PHEX: variants seen among roughly 807,000 people sequenced by gnomAD.
PHEX encodes phosphate-regulating neutral endopeptidase PHEX.
A neutral mutation model predicts 68.0 loss-of-function variants in PHEX; 16 were observed. That is an observed-to-expected ratio of 0.24 (90% confidence interval 0.16 to 0.36). PHEX has a LOEUF of 0.36. Ranked by LOEUF, PHEX falls within the 10% of genes least tolerant of loss-of-function variation. The pLI, the probability that PHEX is intolerant of heterozygous loss-of-function variation, is 1.00. For synonymous variants in PHEX, 208 were observed against 205.1 expected, an observed-to-expected ratio of 1.01 and a Z score of -0.12; for missense variants, 480 against 575.5, an observed-to-expected ratio of 0.83 and a Z score of 1.70.
intron 16 of PHEX, among the ~76,000 whole-genome samples, chrX:22,216,747 CGACCCCAGGTAATCCACCCGCCTCG>C: frequency 9.1e-6 from 1 of 109,834 alleles, no homozygotes; most frequent in East Asian, 2.9e-4. Flanking sequence ...CTCGAACTCC[CGACCCCAGGTAATCCACCCGCCTCG>C]GCCTCCCAAA....
At chrX:22,226,656 T>C (rs890602536) in intron 19 of PHEX, 148 bp downstream of exon 19, 3 of 537,177 alleles carry the variant, frequency 5.6e-6, no homozygotes, top group South Asian at 2.7e-5. Flanking sequence ...TGTCTCCCCA[T>C]TGACCCTATT....
At chrX:22,226,058 C>G (rs73201155) in intron 18 of PHEX, among the ~76,000 whole-genome samples, 3 of 111,833 alleles carry the variant, frequency 2.7e-5, no homozygotes, top group Non-Finnish European at 5.6e-5. Flanking sequence ...AACACAGGCA[C>G]AATGAGAAGA....
At chrX:22,192,772 A>C (rs1224817880) in intron 15 of PHEX, among the ~76,000 whole-genome samples, 1 of 111,943 alleles carries the variant, frequency 8.9e-6, no homozygotes, top group East Asian at 2.8e-4. Context: ...CCAGTTGGCC[A>C]GTCTGCCGTG....
At chrX:22,138,792 G>C (rs907163553) in intron 12 of PHEX, among the ~76,000 whole-genome samples, 38 of 112,206 alleles carry the variant, frequency 3.4e-4, no homozygotes, top group African/African-American at 1.2e-3. Flanking sequence ...CAAGAATGCA[G>C]TCACCCTGCG....
chrX:22,143,121 A>AT (rs964319143), intron 12 of PHEX, among the ~76,000 whole-genome samples: 3 of 111,508 alleles, frequency 2.7e-5, no homozygotes, highest in Non-Finnish European at 5.7e-5. Context: ...ATCCTTAAAC[A>AT]TTTTTTTTAA....
At position 22,228,732 on chromosome X, in the gene PHEX, T is replaced by TA. The variant is rs1556153887; in HGVS notation, c.2070+1130dup. Among the ~76,000 whole-genome samples the TA allele has an allele frequency of 4.1e-3, 454 of 109,646 alleles. 1 individual carries two copies. Among genetic ancestry groups the TA allele is most frequent in the Admixed American group, 6.5e-3 (67 of 10,369 alleles). On this transcript the variant is annotated intron_variant, in intron 20 of 21. Transcript: ENST00000379374. ...AGATGTTTCATACTTTACTTTACTT[T>TA]AAAAAAAAATTATACTTTAAGTTCT...
In PHEX at chrX:22,198,596, G is replaced by GAT. The variant is rs748244784; in HGVS notation, c.1645+8097_1645+8098dup. On this transcript the variant is annotated intron_variant, in intron 15 of 21. Transcript: ENST00000379374. ...CACTGTTGTTTGGTGCAAAGGCGCA[G>GAT]ATATGGCAGAACATAGCACAGGAAC... Among the ~76,000 whole-genome samples, 8 of 111,640 alleles carry GAT rather than the reference G, an allele frequency of 7.2e-5. No homozygotes were observed. The East Asian group carries it at 2.3e-3, about 31-fold the overall frequency.
At position 22,248,107 on chromosome X, in the gene PHEX, T is replaced by C. The variant is rs1048468750; in HGVS notation, c.*154T>C. The C allele has an allele frequency of 8.2e-6, 4 of 487,346 alleles. No homozygotes were observed. The highest frequency in any genetic ancestry group is 4.7e-5 in the African/African-American group (2 of 42,256). The allele number at this position is 487,346 out of a possible 1,213,427, so 40.2% of individuals were successfully genotyped here. ...GTGACCTGCTTGGATCTAGACAGCATCTGTTCAAAGTTGTAGGGCTTATAA... is the reference window on the plus strand; with the variant it reads ...GTGACCTGCTTGGATCTAGACAGCACCTGTTCAAAGTTGTAGGGCTTATAA... On this transcript the variant is annotated 3_prime_UTR_variant, in exon 22 of 22. Transcript: ENST00000379374.
At chrX:22,119,318 A>G (rs1168715747) in intron 11 of PHEX, among the ~76,000 whole-genome samples, 1 of 112,216 alleles carries the variant, frequency 8.9e-6, no homozygotes, top group African/African-American at 3.2e-5. Flanking sequence ...GATGAAGATT[A>G]TTTATAATTT....
intron 12 of PHEX, among the ~76,000 whole-genome samples, chrX:22,155,697 A>C (rs1285779859): frequency 8.9e-6 from 1 of 112,355 alleles, no homozygotes; most frequent in African/African-American, 3.2e-5. Context: ...ACAAAATATG[A>C]ATATTACAGC....
At chrX:22,199,951 G>A (rs62589351) in intron 15 of PHEX, among the ~76,000 whole-genome samples, 1,553 of 111,549 alleles carry the variant, frequency 0.014, 13 homozygotes, top group Middle Eastern at 0.047. Context: ...TATCTCCCAA[G>A]GACAAGAGCG....
At chrX:22,201,350 A>T (rs760612683) in intron 15 of PHEX, among the ~76,000 whole-genome samples, 1 of 110,635 alleles carries the variant, frequency 9.0e-6, no homozygotes, top group East Asian at 2.8e-4. Context: ...CTATTTTTTT[A>T]AAATATATAT....
intron 15 of PHEX, 53 bp downstream of exon 15, chrX:22,190,555 T>A (rs1354692852): frequency 5.0e-6 from 4 of 803,530 alleles, no homozygotes; most frequent in Non-Finnish European, 7.6e-6. Context: ...TGCAAAGAAC[T>A]TTTCCATGAC....
At chrX:22,176,774 T>A in intron 13 of PHEX, among the ~76,000 whole-genome samples, 2 of 111,394 alleles carry the variant, frequency 1.8e-5, no homozygotes, top group Non-Finnish European at 3.8e-5. Context: ...TTAAATTTCC[T>A]CATAGATACA....
chrX:22,062,631 G>A (rs949048323), intron 3 of PHEX, among the ~76,000 whole-genome samples: 1 of 111,543 alleles, frequency 9.0e-6, no homozygotes, highest in Non-Finnish European at 1.9e-5. Flanking sequence ...TTCTAGAGTG[G>A]TGGTTCTCAA....
At chrX:22,095,665 T>A (rs1338580363) in intron 7 of PHEX, among the ~76,000 whole-genome samples, 1 of 110,686 alleles carries the variant, frequency 9.0e-6, no homozygotes, top group Non-Finnish European at 1.9e-5. Context: ...CTGTGGAGGG[T>A]GAAGAAAGGG....
intron 12 of PHEX, among the ~76,000 whole-genome samples, chrX:22,153,790 C>T (rs1347523921): frequency 8.9e-6 from 1 of 111,993 alleles, no homozygotes; most frequent in Non-Finnish European, 1.9e-5. Context: ...GAATATTACC[C>T]TGCTATGACT....
chrX:22,070,290 CAGA>C (rs1338318689), intron 3 of PHEX, among the ~76,000 whole-genome samples: 4 of 111,494 alleles, frequency 3.6e-5, no homozygotes, highest in Non-Finnish European at 7.5e-5. Flanking sequence ...TCACCAGAAT[CAGA>C]GGGCACTCCC....
At chrX:22,104,206 C>G (rs1930563279) in intron 9 of PHEX, among the ~76,000 whole-genome samples, 1 of 111,847 alleles carries the variant, frequency 8.9e-6, no homozygotes, top group South Asian at 3.8e-4. Flanking sequence ...TCTTATATTA[C>G]TCCCACTGCC....
Sources: gnomAD v4.1 joint callset for allele counts (sites outside exome capture counted in the v4.1 genomes callset) on GRCh38, gnomAD v4.1.1 for gene constraint, MANE v1.5 for transcripts, NCBI Gene and HGNC (gene_info 2026-07-23, HGNC 2026-07-21) for gene names.